The following PTCD3 variants were observed in gnomAD, a reference collection of about 807,000 sequenced individuals.
The protein encoded by PTCD3 is pentatricopeptide repeat domain 3.
Under a neutral mutation model 101.9 loss-of-function variants are expected in PTCD3, and 89 were observed. The ratio of observed to expected loss-of-function variants is 0.87; its 90% CI spans 0.74 to 1.04. The LOEUF (loss-of-function observed/expected upper bound fraction) is 1.04. Ranked by LOEUF, PTCD3 falls within the 50% of genes least tolerant of loss-of-function variation. The pLI, the probability that PTCD3 is intolerant of heterozygous loss-of-function variation, is 0.00. For missense variants in PTCD3, 870 were observed against 828.2 expected (o/e 1.05, Z -0.62); for synonymous variants, 296 against 278.5 (o/e 1.06, Z -0.63).
At chr2:86,130,367 G>A (rs1474197163) in intron 14 of PTCD3, among the ~76,000 whole-genome samples, 3 of 152,064 alleles carry the variant, frequency 2.0e-5, no homozygotes, top group Admixed American at 6.5e-5. Flanking sequence ...ACTGTCTGCC[G>A]CCTACTTCAG....
Position 86,127,257 on chromosome 2 carries a change from A to C in PTCD3, c.1048A>C (p.Arg350=). The change falls in exon 13 of 24, where the codon AGA becomes CGA. Residue 350 remains arginine (R), a synonymous_variant. Coordinates refer to ENST00000254630, the MANE Select transcript of PTCD3 (RefSeq NM_017952.6). Reference sequence around the variant, plus strand: ...TCTCCGAAGATTTCATGTGTTTGCAAGATCGCCAGCCTTACAGGTTTTACG... The same window carrying C: ...TCTCCGAAGATTTCATGTGTTTGCACGATCGCCAGCCTTACAGGTTTTACG... ...KCLRRFHVFA[R]SPALQVLREM... is the part of the protein sequence containing the mutation. 2 of 1,614,158 alleles carry C rather than the reference A, an allele frequency of 1.2e-6. No homozygotes were observed. The highest frequency in any genetic ancestry group is 1.7e-4 in the Middle Eastern group (1 of 6,060).
intron 19 of PTCD3, 83 bp downstream of exon 19, chr2:86,133,519 A>G: frequency 7.6e-7 from 1 of 1,318,796 alleles, no homozygotes; most frequent in East Asian, 2.3e-5. Flanking sequence ...CATTACTGTT[A>G]GGGATGAAAA....
intron 1 of PTCD3, chr2:86,107,020 A>C (rs1246745536): frequency 4.7e-6 from 2 of 425,142 alleles, no homozygotes; most frequent in Non-Finnish European, 9.9e-6. Context: ...AGATTTCCTC[A>C]TCTGCAGACT....
chr2:86,108,224 A>G (rs1487669268), intron 1 of PTCD3, 126 bp from the exon 2 acceptor site: 3 of 1,060,078 alleles, frequency 2.8e-6, no homozygotes, highest in Non-Finnish European at 4.1e-6. Flanking sequence ...CTCAGCGTTC[A>G]TTGACATGAG....
chr2:86,134,436 G>C (rs1674546035), intron 20 of PTCD3, 59 bp downstream of exon 20: 3 of 1,413,716 alleles, frequency 2.1e-6, no homozygotes, highest in Non-Finnish European at 3.0e-6. Context: ...CTTAAGGCTA[G>C]CTTCCCTGGT....
chr2:86,119,289 C>T, intron 7 of PTCD3: 1 of 485,856 alleles, frequency 2.1e-6, no homozygotes, highest in Non-Finnish European at 3.5e-6. Flanking sequence ...ATTGTATCAC[C>T]CTTCTACCTT....
In PTCD3 at chr2:86,124,746, A is replaced by G. The variant is rs560682472; in HGVS notation, c.717-249A>G. 2.6e-5 allele frequency among the ~76,000 whole-genome samples: 4 copies of G among 152,342 alleles called. No individual in the cohort carries two copies. In the East Asian group the frequency reaches 7.7e-4, roughly 29 times the overall value. On this transcript the variant is annotated intron_variant, in intron 9 of 23. Coordinates refer to ENST00000254630, the MANE Select transcript of PTCD3 (RefSeq NM_017952.6). ...AGCACAGATATTTATATACTTGTTT[A>G]TAAACTTTTCATTTTCAATTGTAAT...
intron 14 of PTCD3, among the ~76,000 whole-genome samples, chr2:86,130,176 G>A (rs1209467407): frequency 2.6e-5 from 4 of 152,016 alleles, no homozygotes; most frequent in African/African-American, 4.8e-5. Context: ...TGGCGAGGGC[G>A]TTAGTCCCAG....
intron 9 of PTCD3, among the ~76,000 whole-genome samples, chr2:86,124,296 T>C (rs1674343330): frequency 2.0e-5 from 3 of 152,158 alleles, no homozygotes; most frequent in Admixed American, 2.0e-4. Flanking sequence ...AAAATTGTTA[T>C]TGAAGTGATG....
chr2:86,131,892 T>C (rs1674499056), intron 16 of PTCD3, among the ~76,000 whole-genome samples: 1 of 152,144 alleles, frequency 6.6e-6, no homozygotes, highest in South Asian at 2.1e-4. Flanking sequence ...CCTCACAAGG[T>C]TTTTACTCTG....
Position 86,133,409 on chromosome 2 carries a change from C to G in PTCD3, c.1516C>G (p.Leu506Val). 1 of 1,614,062 alleles carries G rather than the reference C, an allele frequency of 6.2e-7. No homozygotes were observed. The highest frequency in any genetic ancestry group is 8.5e-7 in the Non-Finnish European group (1 of 1,179,912). ...CCAAGCATTGGATGTGGCCAATCGG[C>G]TAGAAGTGATTCCTAAAATTTGGAA... ...LLQALDVANR[L>V]EVIPKIWKDS... The change falls in exon 19 of 24, where the codon CTA becomes GTA. Residue 506 changes from leucine (L) to valine (V), a missense_variant. By Grantham distance (32) the Leu-to-Val change is conservative. Coordinates refer to ENST00000254630, the MANE Select transcript of PTCD3 (RefSeq NM_017952.6).
chr2:86,126,947 T>C lies in PTCD3; in HGVS notation c.952-214T>C, dbSNP rs1674407239. On this transcript the variant is annotated intron_variant, in intron 12 of 23. Coordinates refer to ENST00000254630, the MANE Select transcript of PTCD3 (RefSeq NM_017952.6). ...AAGACTGAAGACAGTTGACCACCTC[T>C]ATCAAGTGGGGTGGGTGTTTGAATT... Among the ~76,000 whole-genome samples, 3 of 152,302 alleles carry C rather than the reference T, an allele frequency of 2.0e-5. No individual in the cohort carries two copies. The East Asian group carries it at 5.8e-4, about 29-fold the overall frequency.
At chr2:86,125,119 A>G in intron 10 of PTCD3, 37 bp downstream of exon 10, 2 of 1,609,472 alleles carry the variant, frequency 1.2e-6, no homozygotes, top group Non-Finnish European at 1.7e-6. Flanking sequence ...TTTCATTTCC[A>G]CCGATCAGGG....
intron 10 of PTCD3, 72 bp downstream of exon 10, chr2:86,125,154 A>G (rs1330418469): frequency 6.4e-7 from 1 of 1,572,200 alleles, no homozygotes; most frequent in Middle Eastern, 1.7e-4. Flanking sequence ...AACTACTAAC[A>G]TTTTGGGTCA....
In PTCD3 at chr2:86,134,296, T is replaced by A; in HGVS notation, c.1548T>A (p.Ser516Arg). The change falls in exon 20 of 24, where the codon AGT (serine) becomes AGA (arginine). Residue 516 changes from serine (S) to arginine (R), a missense_variant. Physicochemically the swap from Ser to Arg is moderately radical, Grantham distance 110. Coordinates refer to ENST00000254630, the MANE Select transcript of PTCD3 (RefSeq NM_017952.6). ...LEVIPKIWKD[S>R]KEYGHTFRSD... ...TTGTTCCTTTCTTGTTTCAAGATAG[T>A]AAAGAATATGGTCATACTTTCCGCA... 1 of 1,606,996 alleles carries A rather than the reference T, an allele frequency of 6.2e-7. No individual in the cohort carries two copies. The highest frequency in any genetic ancestry group is 8.5e-7 in the Non-Finnish European group (1 of 1,173,722).
chr2:86,111,097 T>A lies in PTCD3; in HGVS notation c.195-16T>A, dbSNP rs1405213853. The A allele has an allele frequency of 6.2e-7, 1 of 1,609,342 alleles. No individual in the cohort carries two copies. Among genetic ancestry groups the A allele is most frequent in the African/African-American group, 1.3e-5 (1 of 74,816 alleles). The stretch of plus-strand genomic sequence containing the variant: ...AAGAGCCCTGATGAGGATTAACTTG[T>A]GGTTCTTATTTTTAGGGATAAAGTA... On this transcript the variant is annotated splice_polypyrimidine_tract_variant and intron_variant, in intron 3 of 23. Transcript: ENST00000254630.
chr2:86,111,355 G>A (rs550282338), intron 4 of PTCD3, among the ~76,000 whole-genome samples, 197 bp downstream of exon 4: 19 of 152,216 alleles, frequency 1.2e-4, no homozygotes, highest in African/African-American at 4.3e-4. Context: ...TTGGGAGGCC[G>A]AGGCAGGTGG....
At chr2:86,112,360 T>C (rs1674104970) in intron 4 of PTCD3, among the ~76,000 whole-genome samples, 1 of 151,368 alleles carries the variant, frequency 6.6e-6, no homozygotes, top group Non-Finnish European at 1.5e-5. Context: ...CCGGCCTTTT[T>C]TTTTTTTTTT....
chr2:86,136,146 C>A, intron 21 of PTCD3: 2 of 439,942 alleles, frequency 4.5e-6, no homozygotes, highest in South Asian at 3.4e-5. Context: ...TGATCCTCTA[C>A]AAGAGGACAA....
Sources: allele counts gnomAD v4.1 joint callset (sites outside exome capture counted in the v4.1 genomes callset), GRCh38; gene constraint gnomAD v4.1.1; transcripts MANE v1.5; gene names NCBI Gene and HGNC (gene_info 2026-07-23, HGNC 2026-07-21).